The following CSGALNACT2 variants were observed in gnomAD, a reference collection of about 807,000 sequenced individuals.
The protein encoded by CSGALNACT2 is chondroitin sulfate N-acetylgalactosaminyltransferase 2, also known as beta 4 GalNAcT-2.
Under a neutral mutation model 55.3 loss-of-function variants are expected in CSGALNACT2, and 35 were observed. That is an observed-to-expected ratio of 0.63 (90% CI 0.48 to 0.84). The LOEUF (loss-of-function observed/expected upper bound fraction) is 0.84, where lower values mean the gene tolerates loss of function less well. Ranked by LOEUF, CSGALNACT2 falls within the 40% of genes least tolerant of loss-of-function variation. CSGALNACT2 has a pLI of 0.00. For synonymous variants in CSGALNACT2, 196 were observed against 224.9 expected (o/e 0.87, Z 1.15); for missense variants, 544 against 657.5 (o/e 0.83, Z 1.89).
intron 7 of CSGALNACT2, among the ~76,000 whole-genome samples, chr10:43,179,440 A>G (rs534216250): frequency 6.6e-6 from 1 of 151,750 alleles, no homozygotes; most frequent in African/African-American, 2.4e-5. Flanking sequence ...GACTATTTTA[A>G]CAAATTATTT....
chr10:43,168,688 AC>A (rs1481380345), intron 6 of CSGALNACT2, among the ~76,000 whole-genome samples: 17 of 143,118 alleles, frequency 1.2e-4, no homozygotes, highest in African/African-American at 1.7e-4. Flanking sequence ...ACACACACAC[AC>A]ACACACACAC....
chr10:43,159,345 C>T (rs11813917), intron 3 of CSGALNACT2, among the ~76,000 whole-genome samples: 1 of 151,492 alleles, frequency 6.6e-6, no homozygotes, highest in East Asian at 1.9e-4. Flanking sequence ...ATCACCCAGG[C>T]TAGAATGCAG....
intron 3 of CSGALNACT2, among the ~76,000 whole-genome samples, chr10:43,159,310 T>A (rs1172114775): frequency 2.0e-5 from 3 of 152,054 alleles, no homozygotes; most frequent in African/African-American, 4.8e-5. Context: ...TTTTTATTTT[T>A]TTTTTTGAGA....
Position 43,176,109 on chromosome 10 carries a change from T to A in CSGALNACT2, c.1336+77T>A, listed in dbSNP as rs758990532. ...GGTATTTTGCTAAAAGGTCTCAGATTTGAGTGTTTTCCTACTAAAGTATGA... is the reference window on the plus strand; with the variant it reads ...GGTATTTTGCTAAAAGGTCTCAGATATGAGTGTTTTCCTACTAAAGTATGA... On this transcript the variant is annotated intron_variant, in intron 7 of 7. Coordinates refer to ENST00000374466, the MANE Select transcript of CSGALNACT2 (RefSeq NM_018590.5). 320 of 1,181,386 alleles carry A rather than the reference T, an allele frequency of 2.7e-4. 2 individuals are homozygous for A. Among genetic ancestry groups the A allele is most frequent in the Admixed American group, 2.6e-4 (11 of 42,284 alleles). The allele number at this position is 1,181,386 out of a possible 1,614,324, so 73.2% of individuals were successfully genotyped here. A position where few individuals can be genotyped will look rare whatever the true frequency, so the allele number is the denominator to read the frequency against.
chr10:43,143,101 T>G (rs1838665726), intron 1 of CSGALNACT2, among the ~76,000 whole-genome samples: 1 of 152,228 alleles, frequency 6.6e-6, no homozygotes, highest in South Asian at 2.1e-4. Flanking sequence ...AATTTGTCTG[T>G]AATGAAGAGT....
intron 5 of CSGALNACT2, among the ~76,000 whole-genome samples, chr10:43,165,663 G>A (rs1839249324): frequency 6.6e-6 from 1 of 152,034 alleles, no homozygotes; most frequent in Admixed American, 6.6e-5. Flanking sequence ...AGGCATGGTG[G>A]CTGAATGCTT....
chr10:43,173,648 G>A (rs138581608), intron 6 of CSGALNACT2, among the ~76,000 whole-genome samples: 66 of 152,038 alleles, frequency 4.3e-4, no homozygotes, highest in African/African-American at 1.4e-3. Context: ...TGTCAAAGTG[G>A]GTGTTTTGCT....
intron 6 of CSGALNACT2, among the ~76,000 whole-genome samples, chr10:43,172,980 C>G (rs1317204327): frequency 6.6e-6 from 1 of 152,146 alleles, no homozygotes; most frequent in Non-Finnish European, 1.5e-5. Flanking sequence ...GTGAGGGGCA[C>G]ATAGCTGGGC....
chr10:43,175,863 C>T (rs1839470085), intron 6 of CSGALNACT2, 88 bp from the exon 7 acceptor site: 1 of 1,124,954 alleles, frequency 8.9e-7, no homozygotes, highest in Non-Finnish European at 1.3e-6. Flanking sequence ...AAAAAGTATA[C>T]ATTAGAAAAT....
intron 4 of CSGALNACT2, chr10:43,163,453 G>C (rs1020241632): frequency 4.4e-6 from 4 of 915,548 alleles, no homozygotes; most frequent in Middle Eastern, 5.5e-4. Context: ...GTATTAGGGA[G>C]GATCCCTCTG....
intron 1 of CSGALNACT2, among the ~76,000 whole-genome samples, chr10:43,148,804 A>C (rs963216654): frequency 6.6e-6 from 1 of 152,184 alleles, no homozygotes; most frequent in African/African-American, 2.4e-5. Flanking sequence ...GATTTTCTGC[A>C]TACAGATCAT....
chr10:43,139,319 T>A (rs1269320387), intron 1 of CSGALNACT2, among the ~76,000 whole-genome samples: 1 of 152,208 alleles, frequency 6.6e-6, no homozygotes, highest in Non-Finnish European at 1.5e-5. Flanking sequence ...GCCAAGTATT[T>A]TAGGACTGAG....
At chr10:43,178,177 G>A (rs1340323578) in intron 7 of CSGALNACT2, among the ~76,000 whole-genome samples, 1 of 152,138 alleles carries the variant, frequency 6.6e-6, no homozygotes, top group Non-Finnish European at 1.5e-5. Flanking sequence ...AGCCATTATA[G>A]TCATCTCTCA....
chr10:43,152,682 T>G (rs1266659208), intron 1 of CSGALNACT2, among the ~76,000 whole-genome samples: 1 of 152,230 alleles, frequency 6.6e-6, no homozygotes, highest in Non-Finnish European at 1.5e-5. Flanking sequence ...TGAGGTACCA[T>G]ATTAATAAAA....
At chr10:43,162,558 C>T in intron 4 of CSGALNACT2, 6 of 985,422 alleles carry the variant, frequency 6.1e-6, no homozygotes, top group Non-Finnish European at 7.2e-6. Flanking sequence ...GGAGAAGAGT[C>T]CTAGGCATTC....
At position 43,155,654 on chromosome 10, in the gene CSGALNACT2, G is replaced by GA. The variant is rs1838988838; in HGVS notation, c.509dup (p.Pro171AlafsTer3). 1 of 1,614,142 alleles carries GA rather than the reference G, an allele frequency of 6.2e-7. No individual in the cohort carries two copies. On this transcript the variant is annotated frameshift_variant, in exon 2 of 8. Transcript: ENST00000374466. LOFTEE classifies it high-confidence loss of function. ...AATGGGTCTCACTCGCCATCCTGAA[G>GA]AAAAGCCAGTTAGAAAAGACAAACG...
chr10:43,142,190 G>GTATT (rs1007780515), intron 1 of CSGALNACT2, among the ~76,000 whole-genome samples: 3 of 151,302 alleles, frequency 2.0e-5, no homozygotes, highest in African/African-American at 7.3e-5. Context: ...TTTTTATTTT[G>GTATT]TATTTATTTA....
intron 1 of CSGALNACT2, among the ~76,000 whole-genome samples, chr10:43,141,362 C>T (rs1838617680): frequency 6.6e-6 from 1 of 150,914 alleles, no homozygotes; most frequent in African/African-American, 2.4e-5. Flanking sequence ...GGACTACAGG[C>T]GCCCGCCACC....
intron 7 of CSGALNACT2, among the ~76,000 whole-genome samples, chr10:43,177,135 C>T (rs1564521344): frequency 1.3e-5 from 2 of 152,136 alleles, no homozygotes; most frequent in East Asian, 1.9e-4. Flanking sequence ...ATAAAAGGGG[C>T]GTTAAATTAA....
Sources: allele counts gnomAD v4.1 joint callset (sites outside exome capture counted in the v4.1 genomes callset), GRCh38; gene constraint gnomAD v4.1.1; transcripts MANE v1.5; gene names NCBI Gene and HGNC (gene_info 2026-07-23, HGNC 2026-07-21).